Variants in COL25A1 observed in about 807,000 individuals in gnomAD.
COL25A1 encodes collagen type XXV alpha 1 chain.
In COL25A1, 103 loss-of-function variants were observed where a neutral mutation model predicts 128.4. The ratio of observed to expected loss-of-function variants is 0.80; its 90% CI spans 0.68 to 0.94. The LOEUF (loss-of-function observed/expected upper bound fraction) is 0.94, where lower values mean the gene tolerates loss of function less well. Ranked by LOEUF, COL25A1 falls within the 40% of genes least tolerant of loss-of-function variation. The probability of loss-of-function intolerance (pLI) is 0.00; values close to 1 mark genes in which losing one functional copy is unlikely to be tolerated. For missense variants in COL25A1, 745 were observed against 840.0 expected (o/e 0.89, Z 1.40); for synonymous variants, 279 against 277.2 (o/e 1.01, Z -0.06).
chr4:108,893,975 C>A (rs4956219), intron 16 of COL25A1, among the ~76,000 whole-genome samples: 115,100 of 152,088 alleles, frequency 0.76, 44,133 homozygotes, highest in East Asian at 1. Context: ...TTCCGTTTTA[C>A]CTGAAGTATT....
At chr4:108,982,823 G>C (rs1753131519) in intron 6 of COL25A1, among the ~76,000 whole-genome samples, 1 of 152,062 alleles carries the variant, frequency 6.6e-6, no homozygotes. Flanking sequence ...ATAACTATAA[G>C]GTTTTTTGTG....
intron 13 of COL25A1, among the ~76,000 whole-genome samples, chr4:108,912,436 C>G (rs1351312409): frequency 6.6e-6 from 1 of 152,136 alleles, no homozygotes; most frequent in African/African-American, 2.4e-5. Context: ...CCTTGAACTA[C>G]TAACTAATCT....
intron 3 of COL25A1, among the ~76,000 whole-genome samples, chr4:109,296,284 A>G (rs1175849674): frequency 6.6e-6 from 1 of 152,070 alleles, no homozygotes; most frequent in East Asian, 1.9e-4. Flanking sequence ...AAATTCTAGA[A>G]AAGAATTATA....
At chr4:109,003,539 G>A (rs1313242429) in intron 6 of COL25A1, among the ~76,000 whole-genome samples, 3 of 152,184 alleles carry the variant, frequency 2.0e-5, no homozygotes, top group Admixed American at 6.5e-5. Context: ...GGTGGCTCAC[G>A]CCTGTAATCC....
chr4:109,065,107 G>T (rs1054386598), intron 3 of COL25A1, among the ~76,000 whole-genome samples: 9 of 152,182 alleles, frequency 5.9e-5, no homozygotes, highest in Non-Finnish European at 1.2e-4. Flanking sequence ...TAGCCCCTCG[G>T]ACTGGACTGA....
chr4:109,225,525 T>C (rs1778743671), intron 3 of COL25A1, among the ~76,000 whole-genome samples: 2 of 152,196 alleles, frequency 1.3e-5, no homozygotes, highest in African/African-American at 2.4e-5. Context: ...GTACCGCCTC[T>C]ATGGAAAACA....
intron 3 of COL25A1, among the ~76,000 whole-genome samples, chr4:109,122,939 G>C (rs1276101608): frequency 6.6e-6 from 1 of 152,074 alleles, no homozygotes; most frequent in Non-Finnish European, 1.5e-5. Flanking sequence ...ATCAAGACTT[G>C]TGGGGGACTG....
chr4:109,180,467 T>C (rs1578371983), intron 3 of COL25A1, among the ~76,000 whole-genome samples: 2 of 152,172 alleles, frequency 1.3e-5, no homozygotes, highest in African/African-American at 4.8e-5. Flanking sequence ...TCTTTGCTTC[T>C]GTTTTCTAGT....
At chr4:109,167,292 T>A (rs4956250) in intron 3 of COL25A1, among the ~76,000 whole-genome samples, 77,250 of 151,952 alleles carry the variant, frequency 0.51, 22,041 homozygotes, top group Non-Finnish European at 0.65. Context: ...AATATATGGC[T>A]GCAAAGTGAG....
chr4:108,825,325 A>T (rs1732242509), intron 33 of COL25A1, 103 bp from the exon 34 acceptor site: 2 of 848,012 alleles, frequency 2.4e-6, no homozygotes, highest in African/African-American at 3.4e-5. Context: ...TACTAGAACA[A>T]CTACTTCAGA....
intron 33 of COL25A1, among the ~76,000 whole-genome samples, chr4:108,826,653 C>A (rs556787812): frequency 1.3e-5 from 2 of 152,158 alleles, no homozygotes; most frequent in East Asian, 1.9e-4. Flanking sequence ...AACATCAAGT[C>A]GTCATAAATA....
chr4:109,254,511 G>C (rs1198649768), intron 3 of COL25A1, among the ~76,000 whole-genome samples: 1 of 74,262 alleles, frequency 1.3e-5, no homozygotes, highest in South Asian at 3.9e-4. Context: ...ATATATGTAT[G>C]TGTGTATATA....
Position 108,899,072 on chromosome 4 carries a change from C to T in COL25A1, c.861+82G>A, listed in dbSNP as rs375859974. The T allele has an allele frequency of 5.9e-6, 8 of 1,350,896 alleles. No homozygotes were observed. The South Asian group carries it at 8.9e-5, about 15-fold the overall frequency. 83.7% of individuals were successfully genotyped at this position (1,350,896 alleles called of 1,614,324 possible). A position where few individuals can be genotyped will look rare whatever the true frequency, so the allele number is the denominator to read the frequency against. On this transcript the variant is annotated intron_variant, in intron 15 of 37. Transcript: ENST00000399132. Reference sequence around the variant, plus strand: ...CCATCCATCCACCCATCCATTCATGCATATAGTTTAGTTTGAGTACTTCTT... The same window carrying T: ...CCATCCATCCACCCATCCATTCATGTATATAGTTTAGTTTGAGTACTTCTT...
chr4:109,147,104 C>T (rs1268382097), intron 3 of COL25A1, among the ~76,000 whole-genome samples: 1 of 152,202 alleles, frequency 6.6e-6, no homozygotes, highest in Non-Finnish European at 1.5e-5. Flanking sequence ...AGACCGTTGG[C>T]AACATTTGCA....
intron 11 of COL25A1, among the ~76,000 whole-genome samples, chr4:108,936,824 T>TATATATATATATATATATA (rs4036496): frequency 6.8e-6 from 1 of 147,512 alleles, no homozygotes; most frequent in Non-Finnish European, 1.5e-5. Context: ...TATATATATA[T>TATATATATATATATATATA]TTAGAGACAG....
intron 3 of COL25A1, among the ~76,000 whole-genome samples, chr4:109,277,497 T>A (rs540460991): frequency 6.6e-5 from 10 of 152,288 alleles, no homozygotes; most frequent in East Asian, 5.8e-4. Flanking sequence ...ACAGATTTTT[T>A]AAAAATTTTC....
intron 31 of COL25A1, among the ~76,000 whole-genome samples, chr4:108,836,122 G>C (rs1733785446): frequency 7.0e-6 from 1 of 142,016 alleles, no homozygotes; most frequent in African/African-American, 2.6e-5. Context: ...CGCCCACCTC[G>C]GCCTCCCAAA....
chr4:108,954,886 A>G (rs6824753), intron 8 of COL25A1, among the ~76,000 whole-genome samples: 6,629 of 152,138 alleles, frequency 0.044, 369 homozygotes, highest in African/African-American at 0.13. Context: ...TTTCTCTGAT[A>G]TCTTAAAATA....
chr4:108,843,817 C>T (rs1734748121), intron 30 of COL25A1, among the ~76,000 whole-genome samples: 1 of 151,878 alleles, frequency 6.6e-6, no homozygotes, highest in South Asian at 2.1e-4. Flanking sequence ...CATAAATGTT[C>T]CTATTGAACA....
Sources: gnomAD v4.1 joint callset for allele counts (sites outside exome capture counted in the v4.1 genomes callset) on GRCh38, gnomAD v4.1.1 for gene constraint, MANE v1.5 for transcripts, NCBI Gene and HGNC (gene_info 2026-07-23, HGNC 2026-07-21) for gene names.